The following CPVL variants were observed in gnomAD, a reference collection of about 807,000 sequenced individuals.
CPVL encodes the protein probable serine carboxypeptidase CPVL.
A neutral mutation model predicts 63.7 loss-of-function variants in CPVL; 51 were observed. That is an observed-to-expected ratio of 0.80 (90% CI 0.64 to 1.01). The LOEUF (loss-of-function observed/expected upper bound fraction) is 1.01, where lower values mean the gene tolerates loss of function less well. Among genes scored for constraint, CPVL ranks in the 50% least tolerant of loss-of-function variants. CPVL has a pLI of 0.00. For synonymous variants in CPVL, 195 were observed against 206.0 expected, an observed-to-expected ratio of 0.95 and a Z score of 0.46; for missense variants, 530 against 573.1, an observed-to-expected ratio of 0.92 and a Z score of 0.77.
intron 5 of CPVL, among the ~76,000 whole-genome samples, chr7:29,153,368 T>C (rs1793881737): frequency 1.3e-5 from 2 of 152,158 alleles, no homozygotes; most frequent in Non-Finnish European, 2.9e-5. Context: ...GATTTTTTTC[T>C]AGAAAAGTGA....
chr7:29,028,630 C>G lies in CPVL; in HGVS notation c.1320+1947G>C, dbSNP rs372269722. On this transcript the variant is annotated intron_variant, in intron 12 of 12. Transcript: ENST00000265394. ...TAATATCCAGAATATACAAGCAACT[C>G]AAGCAACTGAAGAGCACAAACCATA... Among the ~76,000 whole-genome samples, 821 of 152,188 alleles carry G rather than the reference C, an allele frequency of 5.4e-3. 6 individuals are homozygous for G. Among genetic ancestry groups the G allele is most frequent in the African/African-American group, 0.019 (776 of 41,518 alleles).
chr7:29,176,987 TG>T (rs1398964168), intron 5 of CPVL, among the ~76,000 whole-genome samples: 7 of 151,102 alleles, frequency 4.6e-5, no homozygotes, highest in Admixed American at 6.6e-5. Context: ...AAAATGGGAA[TG>T]AAAAAAAATC....
intron 1 of CPVL, among the ~76,000 whole-genome samples, chr7:29,144,661 T>A (rs190756550): frequency 2.0e-5 from 3 of 152,194 alleles, no homozygotes; most frequent in South Asian, 4.1e-4. Flanking sequence ...TCCCCTCTCA[T>A]TGCCTTAGTT....
chr7:29,146,631 C>T (rs568736513), upstream of CPVL: 59 of 1,550,588 alleles, frequency 3.8e-5, no homozygotes, highest in Middle Eastern at 1.7e-4. Context: ...GTCCCAACCT[C>T]CTGGTCCCAG....
chr7:29,103,271 A>T (rs1201680274), intron 3 of CPVL, among the ~76,000 whole-genome samples: 1 of 118,832 alleles, frequency 8.4e-6, no homozygotes, highest in East Asian at 2.7e-4. Flanking sequence ...TTTGAGATGG[A>T]GGCTTGCTCT....
chr7:29,086,423 CATAAT>C (rs1785210110), intron 7 of CPVL, 56 bp downstream of exon 7: 7 of 1,153,482 alleles, frequency 6.1e-6, no homozygotes, highest in Non-Finnish European at 7.9e-6. Context: ...AAACTACACT[CATAAT>C]ATATGTCAGT....
chr7:29,062,668 A>T (rs1215189522), intron 11 of CPVL, among the ~76,000 whole-genome samples: 1 of 152,182 alleles, frequency 6.6e-6, no homozygotes, highest in Admixed American at 6.5e-5. Flanking sequence ...AGTATTGCAG[A>T]TTGTGCACTG....
chr7:29,195,041 G>C, intron 1 of CPVL: 1 of 1,557,140 alleles, frequency 6.4e-7, no homozygotes, highest in Non-Finnish European at 8.7e-7. Flanking sequence ...TCGCCCCACT[G>C]CCCTCGCCCC....
intron 3 of CPVL, among the ~76,000 whole-genome samples, chr7:29,103,443 T>C (rs1202402327): frequency 6.1e-5 from 9 of 146,390 alleles, no homozygotes; most frequent in African/African-American, 2.3e-4. Flanking sequence ...TTAGTAGAGA[T>C]GGGGTTTCAC....
chr7:29,014,303 T>C (rs1242725778), intron 12 of CPVL, among the ~76,000 whole-genome samples: 2 of 152,142 alleles, frequency 1.3e-5, no homozygotes, highest in African/African-American at 4.8e-5. Flanking sequence ...TTTGCCGATT[T>C]CCTTAACAAA....
At chr7:29,157,437 T>G (rs1162611614) in intron 5 of CPVL, among the ~76,000 whole-genome samples, 1 of 117,916 alleles carries the variant, frequency 8.5e-6, no homozygotes, top group Admixed American at 9.6e-5. Context: ...TGGCGTTATC[T>G]CAGTCACTAA....
chr7:29,016,374 G>A (rs866961283), intron 12 of CPVL, among the ~76,000 whole-genome samples: 40 of 151,654 alleles, frequency 2.6e-4, no homozygotes, highest in African/African-American at 8.7e-4. Context: ...AAGTTTCCAG[G>A]ACCAGTAACC....
intron 1 of CPVL, chr7:29,192,357 TC>T (rs764046591): frequency 1.8e-4 from 27 of 152,190 alleles, no homozygotes; most frequent in Non-Finnish European, 3.4e-4. Flanking sequence ...CTTTACTTTC[TC>T]CAGTTAAAAC....
chr7:29,150,816 A>C (rs1473661793), upstream of CPVL, among the ~76,000 whole-genome samples: 5 of 152,342 alleles, frequency 3.3e-5, no homozygotes, highest in Non-Finnish European at 7.3e-5. Context: ...CTGGAAACAC[A>C]GCTCAGAGGC....
chr7:29,174,415 GC>G (rs1562808053), intron 5 of CPVL, among the ~76,000 whole-genome samples: 1 of 152,194 alleles, frequency 6.6e-6, no homozygotes, highest in Non-Finnish European at 1.5e-5. Context: ...CCAGTACATA[GC>G]CAAGGTCTGC....
At chr7:28,997,177 T>C (rs1784167188) in intron 12 of CPVL, among the ~76,000 whole-genome samples, 1 of 152,214 alleles carries the variant, frequency 6.6e-6, no homozygotes, top group Non-Finnish European at 1.5e-5. Flanking sequence ...GGAAGTTACA[T>C]GCAGGAGAGG....
intron 1 of CPVL, among the ~76,000 whole-genome samples, chr7:29,136,209 A>G (rs1007156645): frequency 7.2e-5 from 11 of 152,242 alleles, no homozygotes; most frequent in Non-Finnish European, 1.5e-4. Flanking sequence ...GTAAAAAATC[A>G]TATCAATAAG....
At chr7:29,070,603 T>C (rs1485149185) in intron 9 of CPVL, among the ~76,000 whole-genome samples, 20 of 152,188 alleles carry the variant, frequency 1.3e-4, no homozygotes, top group Non-Finnish European at 1.5e-5. Flanking sequence ...TACAATTGCA[T>C]AAGAAATTCT....
At chr7:29,179,817 T>C (rs913382370) in intron 5 of CPVL, among the ~76,000 whole-genome samples, 1 of 152,256 alleles carries the variant, frequency 6.6e-6, no homozygotes, top group African/African-American at 2.4e-5. Context: ...TGTTTTCTTA[T>C]GCTTTGCAAA....
Sources: allele counts gnomAD v4.1 joint callset (sites outside exome capture counted in the v4.1 genomes callset), GRCh38; gene constraint gnomAD v4.1.1; transcripts MANE v1.5; gene names NCBI Gene and HGNC (gene_info 2026-07-23, HGNC 2026-07-21).